The following MAGI2 variants were observed in gnomAD, a reference collection of about 807,000 sequenced individuals.
MAGI2 encodes the protein membrane-associated guanylate kinase, WW and PDZ domain-containing protein 2.
Under a neutral mutation model 133.3 loss-of-function variants are expected in MAGI2, and 35 were observed. That is an observed-to-expected ratio of 0.26 (90% CI 0.20 to 0.35). The LOEUF is 0.35. MAGI2 is among the 10% of genes least tolerant of loss of function. The probability of loss-of-function intolerance (pLI) is 1.00; values close to 1 mark genes in which losing one functional copy is unlikely to be tolerated. For missense variants in MAGI2, 1,636 were observed against 1,863.4 expected (o/e 0.88, Z 2.25); for synonymous variants, 729 against 710.6 (o/e 1.03, Z -0.41).
At chr7:78,839,083 G>A (rs2052406) in intron 2 of MAGI2, among the ~76,000 whole-genome samples, 74,177 of 151,594 alleles carry the variant, frequency 0.49, 18,468 homozygotes, top group East Asian at 0.73. Flanking sequence ...GGGATTTAGT[G>A]AGGGTGGAAT....
chr7:78,159,325 A>G (rs185783011), intron 16 of MAGI2, among the ~76,000 whole-genome samples: 1 of 152,014 alleles, frequency 6.6e-6, no homozygotes, highest in East Asian at 1.9e-4. Flanking sequence ...TCATGCTTCC[A>G]CTCTTGCTTT....
chr7:78,085,656 A>T (rs556893418), intron 20 of MAGI2, among the ~76,000 whole-genome samples: 1 of 151,830 alleles, frequency 6.6e-6, no homozygotes, highest in Non-Finnish European at 1.5e-5. Context: ...GTGTGAAATG[A>T]CCCTTATGGA....
At chr7:78,292,613 C>A (rs1318363406) in intron 9 of MAGI2, among the ~76,000 whole-genome samples, 1 of 152,164 alleles carries the variant, frequency 6.6e-6, no homozygotes, top group Non-Finnish European at 1.5e-5. Flanking sequence ...CAAAAAAGAG[C>A]CCACATTGCC....
At chr7:78,449,609 G>C (rs963521173) in intron 6 of MAGI2, among the ~76,000 whole-genome samples, 3 of 152,038 alleles carry the variant, frequency 2.0e-5, no homozygotes, top group African/African-American at 7.2e-5. Context: ...TACTGATTTT[G>C]TATAGAATAA....
intron 1 of MAGI2, among the ~76,000 whole-genome samples, chr7:79,260,384 ATACATACATACATACATAC>A (rs1833990807): frequency 3.6e-5 from 1 of 27,744 alleles, no homozygotes; most frequent in Non-Finnish European, 1.5e-4. Flanking sequence ...ACATACATAC[ATACATACATACATACATAC>A]ATACATACAT....
chr7:78,755,204 G>C (rs571371823), intron 2 of MAGI2, among the ~76,000 whole-genome samples: 1 of 152,138 alleles, frequency 6.6e-6, no homozygotes, highest in Admixed American at 6.5e-5. Flanking sequence ...CTGAGCTCAA[G>C]AATAACTTTT....
chr7:78,480,415 A>T (rs559215097), intron 6 of MAGI2, among the ~76,000 whole-genome samples: 5 of 152,078 alleles, frequency 3.3e-5, no homozygotes, highest in African/African-American at 1.2e-4. Flanking sequence ...CTCAATAGAC[A>T]CAAAATCACA....
At chr7:78,353,093 A>C (rs2151209453) in intron 7 of MAGI2, 1 of 152,360 alleles carries the variant, frequency 6.6e-6, no homozygotes, top group South Asian at 2.1e-4. Flanking sequence ...TGCTGAGTGC[A>C]GGAGGAGATC....
At chr7:78,904,224 C>T (rs186998380) in intron 2 of MAGI2, 2 of 151,822 alleles carry the variant, frequency 1.3e-5, no homozygotes, top group Non-Finnish European at 2.9e-5. Context: ...TGCTAGAAGA[C>T]GTGTATGAAA....
chr7:79,416,332 G>A (rs1220406182), intron 1 of MAGI2, among the ~76,000 whole-genome samples: 1 of 151,988 alleles, frequency 6.6e-6, no homozygotes, highest in Non-Finnish European at 1.5e-5. Flanking sequence ...CTTGATTCAT[G>A]AGGAAGGAGG....
intron 20 of MAGI2, among the ~76,000 whole-genome samples, chr7:78,123,344 G>C (rs1820649981): frequency 6.6e-6 from 1 of 152,096 alleles, no homozygotes; most frequent in African/African-American, 2.4e-5. Flanking sequence ...GCGGATGCCT[G>C]AAATCACAGG....
At chr7:79,225,268 T>C (rs1830750886) in intron 1 of MAGI2, among the ~76,000 whole-genome samples, 1 of 152,188 alleles carries the variant, frequency 6.6e-6, no homozygotes, top group Non-Finnish European at 1.5e-5. Context: ...AAAGTTTTAT[T>C]TATTTTTACA....
intron 1 of MAGI2, among the ~76,000 whole-genome samples, chr7:79,407,724 G>A (rs939951201): frequency 1.3e-5 from 2 of 151,774 alleles, no homozygotes; most frequent in African/African-American, 4.8e-5. Context: ...CCATAAATGT[G>A]TCATAAGATA....
Position 78,271,789 on chromosome 7 carries a change from G to A in MAGI2, c.1409-15208C>T, listed in dbSNP as rs190544167. Among the ~76,000 whole-genome samples the A allele has an allele frequency of 1.2e-4, 19 of 152,128 alleles. No homozygotes were observed. The South Asian group carries it at 1.4e-3, about 12-fold the overall frequency. Reference sequence around the variant, plus strand: ...TGGTAGTTTGTATTTCTGTGGGATCGGTGGTGATATCCCCTTTATCATTTT... The same window carrying A: ...TGGTAGTTTGTATTTCTGTGGGATCAGTGGTGATATCCCCTTTATCATTTT... On this transcript the variant is annotated intron_variant, in intron 9 of 21. Transcript: ENST00000354212.
intron 1 of MAGI2, among the ~76,000 whole-genome samples, chr7:79,350,314 C>A (rs1841605142): frequency 6.6e-6 from 1 of 152,126 alleles, no homozygotes; most frequent in Non-Finnish European, 1.5e-5. Flanking sequence ...GGTAATGATA[C>A]AACAGTTTTT....
chr7:79,418,741 A>T (rs1846717636), intron 1 of MAGI2, among the ~76,000 whole-genome samples: 1 of 151,324 alleles, frequency 6.6e-6, no homozygotes, highest in African/African-American at 2.4e-5. Context: ...TGCAACTGAT[A>T]AATATTTAAA....
intron 2 of MAGI2, among the ~76,000 whole-genome samples, chr7:78,691,193 C>G (rs188689426): frequency 3.0e-4 from 45 of 152,256 alleles, no homozygotes; most frequent in Non-Finnish European, 5.4e-4. Context: ...TCCAAGAAAC[C>G]TTGAGCCTGG....
Position 79,434,466 on chromosome 7 carries a change from CA to C in MAGI2, c.301+18553del, listed in dbSNP as rs199929207. ...TATCATAATTTAGATGAGTTATGAG[CA>C]AAAATGCATTTCAGAACAAAGTAGG... On this transcript the variant is annotated intron_variant, in intron 1 of 21. Coordinates refer to ENST00000354212, the MANE Select transcript of MAGI2 (RefSeq NM_012301.4). 7.9e-5 allele frequency among the ~76,000 whole-genome samples: 12 copies of C among 152,126 alleles called. No individual in the cohort carries two copies. The East Asian group carries it at 2.3e-3, about 29-fold the overall frequency.
chr7:78,909,194 C>A (rs1459012809), intron 2 of MAGI2, among the ~76,000 whole-genome samples: 1 of 151,292 alleles, frequency 6.6e-6, no homozygotes, highest in Admixed American at 6.6e-5. Context: ...ATTTATGCGG[C>A]CAACAAACAT....
Sources: gnomAD v4.1 joint callset for allele counts (sites outside exome capture counted in the v4.1 genomes callset) on GRCh38, gnomAD v4.1.1 for gene constraint, MANE v1.5 for transcripts, NCBI Gene and HGNC (gene_info 2026-07-23, HGNC 2026-07-21) for gene names.